Variants in RRP1 observed in about 807,000 individuals in gnomAD.
RRP1 encodes the protein ribosomal RNA processing protein 1 homolog A.
A neutral mutation model predicts 54.6 loss-of-function variants in RRP1; 37 were observed. The ratio of observed to expected loss-of-function variants is 0.68; its 90% CI spans 0.52 to 0.89. The LOEUF is 0.89. Among genes scored for constraint, RRP1 ranks in the 40% least tolerant of loss-of-function variants. The pLI, the probability that RRP1 is intolerant of heterozygous loss-of-function variation, is 0.00. For synonymous variants in RRP1, 262 were observed against 244.3 expected (o/e 1.07, Z -0.67); for missense variants, 639 against 612.5 (o/e 1.04, Z -0.46).
In RRP1 at chr21:43,791,418, A is replaced by G. The variant is rs1168462993; in HGVS notation, c.202A>G (p.Lys68Glu). Residue 68 changes from lysine (K) to glutamate (E), a missense_variant, in exon 2 of 13, where the codon AAG (lysine) becomes GAG (glutamate). Transcript: ENST00000497547. Reference sequence around the variant, plus strand: ...GTTTTATTGCATGTGGATGCAGGACAAGCCACTCCTCCAGGTGAGTGGGGG... The same window carrying G: ...GTTTTATTGCATGTGGATGCAGGACGAGCCACTCCTCCAGGTGAGTGGGGG... ...GLFYCMWMQD[K>E]PLLQEELGRT... 6.2e-7 allele frequency: 1 copy of G among 1,614,040 alleles called. No individual in the cohort carries two copies.
At chr21:43,792,072 T>C (rs1291217569) in intron 2 of RRP1, among the ~76,000 whole-genome samples, 1 of 152,224 alleles carries the variant, frequency 6.6e-6, no homozygotes, top group Admixed American at 6.5e-5. Context: ...CGTCTCCTGC[T>C]AGCCTTTTCC....
intron 12 of RRP1, 44 bp from the exon 13 acceptor site, chr21:43,803,468 C>G (rs760109953): frequency 1.3e-6 from 2 of 1,502,632 alleles, no homozygotes; most frequent in Admixed American, 2.1e-5. Flanking sequence ...GGAAAGAGCC[C>G]GTGTTGGCAT....
At chr21:43,797,575 G>C in intron 6 of RRP1, 24 bp downstream of exon 6, 6 of 1,613,772 alleles carry the variant, frequency 3.7e-6, no homozygotes, top group Non-Finnish European at 5.1e-6. Flanking sequence ...CCGACGGGGC[G>C]GTGGAGCTGG....
At position 43,793,313 on chromosome 21, in the gene RRP1, C is replaced by T. The variant is rs756099684; in HGVS notation, c.275-6C>T. On this transcript the variant is annotated splice_polypyrimidine_tract_variant and splice_region_variant and intron_variant, in intron 3 of 12. Transcript: ENST00000497547. Reference sequence around the variant, plus strand: ...GTGGTTCTCTTCTGGCTTATTCCTTCTCCAGAGCACCTGTTCCTTCAGGCC... The same window carrying T: ...GTGGTTCTCTTCTGGCTTATTCCTTTTCCAGAGCACCTGTTCCTTCAGGCC... 12 of 1,613,868 alleles carry T rather than the reference C, an allele frequency of 7.4e-6. No homozygotes were observed. The highest frequency in any genetic ancestry group is 1.6e-4 in the Middle Eastern group (1 of 6,080).
intron 3 of RRP1, 124 bp downstream of exon 3, chr21:43,792,853 G>T (rs1164507855): frequency 1.4e-5 from 14 of 991,362 alleles, no homozygotes; most frequent in Non-Finnish European, 2.2e-5. Context: ...GGGCAAGAGA[G>T]CGCCAGCTGG....
In RRP1 at chr21:43,803,528, G is replaced by T; in HGVS notation, c.1140G>T (p.Glu380Asp). 1 of 1,556,170 alleles carries T rather than the reference G, an allele frequency of 6.4e-7. No homozygotes were observed. The highest frequency in any genetic ancestry group is 1.4e-5 in the African/African-American group (1 of 73,712). Reference protein sequence around the residue: ...LQQERGKGEKEPPSPGMERKR... With the variant: ...LQQERGKGEKDPPSPGMERKR... ...TTTTGTCAGGGAAAGGTGAGAAGGA[G>T]CCCCCGAGCCCGGGCATGGAGAGGA... Residue 380 changes from glutamate (E) to aspartate (D), a missense_variant, in exon 13 of 13, where the codon GAG (glutamate) becomes GAT (aspartate). By Grantham distance (45) the Glu-to-Asp change is conservative. Transcript: ENST00000497547.
intron 7 of RRP1, 86 bp from the exon 8 acceptor site, chr21:43,797,821 G>T: frequency 6.4e-7 from 1 of 1,563,024 alleles, no homozygotes; most frequent in Non-Finnish European, 8.8e-7. Context: ...CCGTGTGGGT[G>T]GGGAGAGGTT....
chr21:43,797,352 G>T, intron 5 of RRP1, 70 bp from the exon 6 acceptor site: 1 of 1,540,390 alleles, frequency 6.5e-7, no homozygotes, highest in East Asian at 2.3e-5. Flanking sequence ...GTAACCATGG[G>T]AGAGTGGGGG....
At chr21:43,793,672 T>C (rs2084983758) in intron 4 of RRP1, among the ~76,000 whole-genome samples, 1 of 152,186 alleles carries the variant, frequency 6.6e-6, no homozygotes, top group Non-Finnish European at 1.5e-5. Flanking sequence ...TGACGATTGC[T>C]CTCCTGGTGA....
chr21:43,797,480 G>A lies in RRP1; in HGVS notation c.481G>A (p.Ala161Thr). 1.2e-6 allele frequency: 2 copies of A among 1,613,798 alleles called. No individual in the cohort carries two copies. The highest frequency in any genetic ancestry group is 1.7e-6 in the Non-Finnish European group (2 of 1,179,980). ...TGAGATCCTGCACCCCAGCAGCCAGGCCCCCAACGGTGTGAAGAGCCACTT... is the reference window on the plus strand; with the variant it reads ...TGAGATCCTGCACCCCAGCAGCCAGACCCCCAACGGTGTGAAGAGCCACTT... ...MTEILHPSSQAPNGVKSHFIE... is the reference protein window; with the variant it reads ...MTEILHPSSQTPNGVKSHFIE... The change falls in exon 6 of 13, where the codon GCC (alanine) becomes ACC (threonine). Residue 161 changes from alanine (A) to threonine (T), a missense_variant. Transcript: ENST00000497547.
intron 4 of RRP1, 26 bp downstream of exon 4, chr21:43,793,430 G>T: frequency 6.2e-7 from 1 of 1,601,242 alleles, no homozygotes; most frequent in Non-Finnish European, 8.5e-7. Context: ...GGGTGCCGGC[G>T]GGCGGGGGCA....
chr21:43,798,717 G>C (rs2085050673), intron 8 of RRP1, among the ~76,000 whole-genome samples: 1 of 152,020 alleles, frequency 6.6e-6, no homozygotes. Flanking sequence ...GGGCAGCCGT[G>C]GGGTCCAGCC....
intron 10 of RRP1, 105 bp downstream of exon 10, chr21:43,800,719 G>T: frequency 1.3e-6 from 2 of 1,507,880 alleles, no homozygotes; most frequent in Non-Finnish European, 1.8e-6. Flanking sequence ...CGCAGCCCCC[G>T]GGGTGATCCC....
chr21:43,793,259 C>T (rs563794007), intron 3 of RRP1, 60 bp from the exon 4 acceptor site: 1 of 1,481,030 alleles, frequency 6.8e-7, no homozygotes, highest in East Asian at 2.3e-5. Context: ...GTTCTCACCT[C>T]CCTCCCCAGA....
intron 1 of RRP1, 32 bp downstream of exon 1, chr21:43,789,794 G>T: frequency 6.7e-7 from 1 of 1,485,580 alleles, no homozygotes; most frequent in Non-Finnish European, 9.0e-7. Flanking sequence ...TGGCGTCTCG[G>T]GGGCCGGCTG....
In RRP1 at chr21:43,798,094, C is replaced by T. The variant is rs1601871499; in HGVS notation, c.805C>T (p.Pro269Ser). ...ALSQKRSEKP[P>S]AGSICRAEPE... ...GTCCCAGAAGAGGTCTGAGAAGCCG[C>T]CCGCAGGTGGGGGTCACACTGCGCC... The change falls in exon 8 of 13, where the codon CCC (proline) becomes TCC (serine). Residue 269 changes from proline to serine, a missense_variant. By Grantham distance (74) the Pro-to-Ser change is moderately conservative. Transcript: ENST00000497547. The T allele has an allele frequency of 2.5e-6, 4 of 1,610,076 alleles. No homozygotes were observed. In the East Asian group the frequency reaches 6.7e-5, roughly 27 times the overall value.
chr21:43,795,652 G>C (rs1419614579), intron 5 of RRP1, among the ~76,000 whole-genome samples: 3 of 152,220 alleles, frequency 2.0e-5, no homozygotes, highest in Non-Finnish European at 4.4e-5. Context: ...GGGCTCAAGT[G>C]ATCCTCCTGC....
rs1424195179 is a variant in RRP1, at chr21:43,789,579, T to C, written c.-51T>C. The C allele has an allele frequency of 1.9e-6, 3 of 1,549,302 alleles. No individual in the cohort carries two copies. Among genetic ancestry groups the C allele is most frequent in the African/African-American group, 1.4e-5 (1 of 70,448 alleles). On this transcript the variant is annotated 5_prime_UTR_variant, in exon 1 of 13. Transcript: ENST00000497547. ...GCGGGCGCAGGAGGCGCGTGCTCAG[T>C]GTGCTGGGTACCAGGCGACTCCGGG...
chr21:43,804,521 G>C lies in RRP1; in HGVS notation c.*747G>C, dbSNP rs897755257. On this transcript the variant is annotated 3_prime_UTR_variant, in exon 13 of 13. Transcript: ENST00000497547. This position sits in a 1 kb window ranked among gnomAD's most constrained non-coding sequence, Gnocchi z 4.3. ...CACACCTGCTGGAGCCTGTGAGGGA[G>C]GTGGCGGGTCCCCACTGTGGCGACG... The C allele has an allele frequency of 1.3e-5, 2 of 152,476 alleles. No homozygotes were observed. Among genetic ancestry groups the C allele is most frequent in the Non-Finnish European group, 2.9e-5 (2 of 68,152 alleles). The allele number at this position is 152,476 out of a possible 1,614,324, so 9.4% of individuals were successfully genotyped here.
Sources: allele counts gnomAD v4.1 joint callset (sites outside exome capture counted in the v4.1 genomes callset), GRCh38; gene constraint gnomAD v4.1.1; non-coding constraint Gnocchi (gnomAD v3.1); transcripts MANE v1.5; gene names NCBI Gene and HGNC (gene_info 2026-07-23, HGNC 2026-07-21).